Variants in DPP10 observed in about 807,000 individuals in gnomAD.
The protein encoded by DPP10 is inactive dipeptidyl peptidase 10.
Under a neutral mutation model 120.9 loss-of-function variants are expected in DPP10, and 33 were observed. The observed-to-expected ratio is 0.27, with a 90% CI of 0.21 to 0.37. The LOEUF is 0.37. Among genes scored for constraint, DPP10 ranks in the 10% least tolerant of loss-of-function variants. DPP10 has a pLI of 1.00. For missense variants in DPP10, 816 were observed against 942.8 expected (o/e 0.87, Z 1.76); for synonymous variants, 337 against 326.1 (o/e 1.03, Z -0.36).
intron 1 of DPP10, among the ~76,000 whole-genome samples, chr2:114,696,775 G>A (rs1448178003): frequency 1.3e-5 from 2 of 151,854 alleles, no homozygotes; most frequent in Admixed American, 6.6e-5. Context: ...GAATGAAAAA[G>A]TCATTAGAGG....
At chr2:114,728,321 G>A (rs60073272) in intron 1 of DPP10, among the ~76,000 whole-genome samples, 1,571 of 152,270 alleles carry the variant, frequency 0.01, 24 homozygotes, top group African/African-American at 0.036. Flanking sequence ...TGGGACAGCA[G>A]AGACTTGTCA....
chr2:114,453,092 C>T (rs1678376642), intron 1 of DPP10, among the ~76,000 whole-genome samples: 1 of 151,924 alleles, frequency 6.6e-6, no homozygotes, highest in African/African-American at 2.4e-5. Flanking sequence ...TGTTGAAAAC[C>T]ATCAGGGAGA....
chr2:114,650,454 G>A (rs769239780), intron 1 of DPP10, among the ~76,000 whole-genome samples: 28 of 152,090 alleles, frequency 1.8e-4, no homozygotes, highest in Non-Finnish European at 1.6e-4. Flanking sequence ...ACATGAAGTG[G>A]TTACAAATGA....
intron 1 of DPP10, among the ~76,000 whole-genome samples, chr2:115,267,495 A>G (rs911946468): frequency 4.6e-5 from 7 of 152,270 alleles, no homozygotes; most frequent in African/African-American, 1.7e-4. Flanking sequence ...TCAGGCATGT[A>G]AAGAGTCAAG....
intron 1 of DPP10, among the ~76,000 whole-genome samples, chr2:114,455,756 G>C (rs1678549839): frequency 7.1e-6 from 1 of 140,518 alleles, no homozygotes; most frequent in Admixed American, 7.4e-5. Context: ...CCATTTTCAT[G>C]CTCAGTAAAG....
At chr2:115,710,530 G>C in intron 7 of DPP10, among the ~76,000 whole-genome samples, 1 of 151,928 alleles carries the variant, frequency 6.6e-6, no homozygotes, top group Non-Finnish European at 1.5e-5. Context: ...AAGGGTATGT[G>C]GTAAATGAGG....
chr2:115,392,766 A>C, intron 3 of DPP10, among the ~76,000 whole-genome samples: 1 of 152,172 alleles, frequency 6.6e-6, no homozygotes, highest in East Asian at 1.9e-4. Flanking sequence ...GCATTGTTTT[A>C]GACAGATTAA....
At chr2:115,161,952 C>G (rs1253641806) in intron 1 of DPP10, 1 of 1,435,890 alleles carries the variant, frequency 7.0e-7, no homozygotes, top group Non-Finnish European at 9.1e-7. Context: ...CGCGGGCCGC[C>G]GGCGATGACG....
chr2:115,132,484 A>G (rs1465841082), intron 1 of DPP10, among the ~76,000 whole-genome samples: 1 of 152,162 alleles, frequency 6.6e-6, no homozygotes, highest in South Asian at 2.1e-4. Context: ...AAAATATTTT[A>G]TTTCCTTCGG....
intron 3 of DPP10, among the ~76,000 whole-genome samples, chr2:115,377,400 T>A (rs1421720397): frequency 1.3e-5 from 2 of 152,182 alleles, no homozygotes; most frequent in Non-Finnish European, 2.9e-5. Context: ...GATGGGGTTG[T>A]TTGTTTTTTT....
intron 11 of DPP10, among the ~76,000 whole-genome samples, chr2:115,759,156 A>T (rs1232670880): frequency 6.6e-6 from 1 of 152,160 alleles, no homozygotes; most frequent in African/African-American, 2.4e-5. Context: ...TATCAGACAA[A>T]AACACATATA....
intron 1 of DPP10, among the ~76,000 whole-genome samples, chr2:115,271,939 G>T (rs563090135): frequency 6.6e-6 from 1 of 152,270 alleles, no homozygotes; most frequent in Admixed American, 6.5e-5. Context: ...TCAAATACAT[G>T]TGCAAAATGT....
At chr2:115,509,280 T>G (rs1311304756) in intron 4 of DPP10, among the ~76,000 whole-genome samples, 1 of 152,086 alleles carries the variant, frequency 6.6e-6, no homozygotes, top group African/African-American at 2.4e-5. Context: ...GAGAAAGATT[T>G]GGACGATAAT....
chr2:115,765,736 G>T (rs761708114), intron 12 of DPP10, among the ~76,000 whole-genome samples: 24 of 152,246 alleles, frequency 1.6e-4, no homozygotes, highest in Non-Finnish European at 1.6e-4. Flanking sequence ...CACAGGAGCA[G>T]GTGATGGAAC....
At chr2:115,784,385 A>G (rs1297356856) in intron 17 of DPP10, among the ~76,000 whole-genome samples, 1 of 152,234 alleles carries the variant, frequency 6.6e-6, no homozygotes, top group African/African-American at 2.4e-5. Context: ...AAACCTTTAA[A>G]CCCACTAGTT....
At chr2:114,444,193 A>G (rs934606484) in intron 1 of DPP10, among the ~76,000 whole-genome samples, 4 of 152,176 alleles carry the variant, frequency 2.6e-5, no homozygotes, top group African/African-American at 9.6e-5. Context: ...TAAGTTTAGA[A>G]ATAAAAAATG....
At chr2:115,303,079 A>G (rs1469751861) in intron 1 of DPP10, among the ~76,000 whole-genome samples, 1 of 152,024 alleles carries the variant, frequency 6.6e-6, no homozygotes, top group Non-Finnish European at 1.5e-5. Context: ...TATTTATACT[A>G]AACTCTTACA....
chr2:115,398,647 T>C (rs1335448633), intron 3 of DPP10, among the ~76,000 whole-genome samples: 1 of 152,148 alleles, frequency 6.6e-6, no homozygotes, highest in Non-Finnish European at 1.5e-5. Flanking sequence ...CTAGAACATA[T>C]TATCTACATT....
chr2:114,642,194 T>G (rs2105434756), intron 1 of DPP10, among the ~76,000 whole-genome samples: 1 of 152,000 alleles, frequency 6.6e-6, no homozygotes, highest in African/African-American at 2.4e-5. Flanking sequence ...CATAGTTCTC[T>G]TCAACCTCCT....
Sources: gnomAD v4.1 joint callset for allele counts (sites outside exome capture counted in the v4.1 genomes callset) on GRCh38, gnomAD v4.1.1 for gene constraint, MANE v1.5 for transcripts, NCBI Gene and HGNC (gene_info 2026-07-23, HGNC 2026-07-21) for gene names.